Variants in NTF3 observed in about 807,000 individuals in gnomAD.
NTF3 encodes neurotrophin-3.
In NTF3, 8 loss-of-function variants were observed where a neutral mutation model predicts 26.3. The ratio of observed to expected loss-of-function variants is 0.30; its 90% confidence interval spans 0.18 to 0.55. NTF3 has a LOEUF of 0.55. Among genes scored for constraint, NTF3 ranks in the 20% least tolerant of loss-of-function variants. NTF3 has a pLI of 0.93. For synonymous variants in NTF3, 154 were observed against 145.5 expected, an observed-to-expected ratio of 1.06 and a Z score of -0.42; for missense variants, 276 against 352.9, an observed-to-expected ratio of 0.78 and a Z score of 1.75.
chr12:5,440,225 A>C (rs945903842), intron 1 of NTF3, among the ~76,000 whole-genome samples: 1 of 152,224 alleles, frequency 6.6e-6, no homozygotes, highest in Non-Finnish European at 1.5e-5. Context: ...AATGTTGAAC[A>C]CTAACCTAAT....
chr12:5,436,801 C>T (rs1314074016), intron 1 of NTF3, among the ~76,000 whole-genome samples: 1 of 152,130 alleles, frequency 6.6e-6, no homozygotes, highest in Non-Finnish European at 1.5e-5. Context: ...TGGAGGCAGC[C>T]AAACCTAGAT....
intron 1 of NTF3, among the ~76,000 whole-genome samples, chr12:5,472,377 C>T (rs1443587169): frequency 6.6e-6 from 1 of 152,154 alleles, no homozygotes; most frequent in Non-Finnish European, 1.5e-5. Context: ...ATTTACCCTT[C>T]GTGAGATTCA....
At chr12:5,491,720 T>C (rs922036381) in intron 1 of NTF3, among the ~76,000 whole-genome samples, 5 of 139,684 alleles carry the variant, frequency 3.6e-5, no homozygotes, top group African/African-American at 1.1e-4. Context: ...CCTCTTCTTT[T>C]TTTTTTTTTT....
chr12:5,455,640 A>C (rs1177008327), intron 1 of NTF3, among the ~76,000 whole-genome samples: 1 of 151,116 alleles, frequency 6.6e-6, no homozygotes, highest in African/African-American at 2.4e-5. Context: ...AGGATAGCCC[A>C]CCTGCACCCT....
rs1338836488 is a variant in NTF3, at chr12:5,494,143, C to G, written c.19-51C>G. The G allele has an allele frequency of 3.1e-5, 48 of 1,565,746 alleles. No homozygotes were observed. Among genetic ancestry groups the G allele is most frequent in the Non-Finnish European group, 3.8e-5 (44 of 1,152,832 alleles). On this transcript the variant is annotated intron_variant, in intron 1 of 1. Coordinates refer to ENST00000423158, the MANE Select transcript of NTF3 (RefSeq NM_001102654.2). The surrounding 1 kb of genome is among the most constrained non-coding windows in gnomAD (Gnocchi z 8.3). ...CCTCAGGTAGCTGGTGCCAGAATAACACAGACTCAGCTGCCAGAGCCTGCT... is the reference window on the plus strand; with the variant it reads ...CCTCAGGTAGCTGGTGCCAGAATAAGACAGACTCAGCTGCCAGAGCCTGCT...
chr12:5,435,993 G>A (rs1940163077), intron 1 of NTF3, among the ~76,000 whole-genome samples: 1 of 152,068 alleles, frequency 6.6e-6, no homozygotes, highest in South Asian at 2.1e-4. Context: ...AATTGTCTTG[G>A]ATACTCAGAT....
chr12:5,477,220 G>A (rs373405583), intron 1 of NTF3, among the ~76,000 whole-genome samples: 11 of 152,180 alleles, frequency 7.2e-5, no homozygotes, highest in African/African-American at 2.7e-4. Context: ...AGACATGCCT[G>A]GGTTTGAATC....
chr12:5,487,590 C>G (rs1275768467), intron 1 of NTF3, among the ~76,000 whole-genome samples: 1 of 152,190 alleles, frequency 6.6e-6, no homozygotes, highest in African/African-American at 2.4e-5. Flanking sequence ...TGCTAAGAAG[C>G]CAGCATCTTC....
intron 1 of NTF3, among the ~76,000 whole-genome samples, chr12:5,463,557 C>T (rs1373656072): frequency 6.6e-6 from 1 of 152,010 alleles, no homozygotes; most frequent in African/African-American, 2.4e-5. Context: ...GTAGGAGGGA[C>T]AGACAGAAGG....
At chr12:5,457,379 G>A (rs966591796) in intron 1 of NTF3, among the ~76,000 whole-genome samples, 1 of 152,020 alleles carries the variant, frequency 6.6e-6, no homozygotes, top group African/African-American at 2.4e-5. Context: ...TTCTACCATC[G>A]CCTTATCACA....
intron 1 of NTF3, among the ~76,000 whole-genome samples, chr12:5,481,443 ATG>A (rs1940791869): frequency 6.6e-6 from 1 of 151,298 alleles, no homozygotes; most frequent in Non-Finnish European, 1.5e-5. Flanking sequence ...ACAGACATAC[ATG>A]CAGCACAGAC....
intron 1 of NTF3, among the ~76,000 whole-genome samples, chr12:5,478,763 T>C (rs1940753767): frequency 6.6e-6 from 1 of 152,250 alleles, no homozygotes; most frequent in South Asian, 2.1e-4. Flanking sequence ...TGCACATTGG[T>C]CCAGGGGCAG....
intron 1 of NTF3, among the ~76,000 whole-genome samples, chr12:5,470,305 C>T (rs1423419017): frequency 6.6e-6 from 1 of 152,202 alleles, no homozygotes; most frequent in East Asian, 1.9e-4. Flanking sequence ...TTCCCTTTCT[C>T]TGATATGAGG....
chr12:5,477,945 A>C (rs1465805087), intron 1 of NTF3, among the ~76,000 whole-genome samples: 2 of 152,210 alleles, frequency 1.3e-5, no homozygotes. Flanking sequence ...AAATACTTGA[A>C]GAGCTAATGG....
chr12:5,488,727 G>A (rs535955164), intron 1 of NTF3, among the ~76,000 whole-genome samples: 5 of 152,188 alleles, frequency 3.3e-5, no homozygotes, highest in Admixed American at 3.3e-4. Flanking sequence ...CAAGACATTA[G>A]GGTTATCTGG....
In NTF3 at chr12:5,450,700, A is replaced by T. The variant is rs138470546; in HGVS notation, c.18+18358A>T. 1.8e-3 allele frequency among the ~76,000 whole-genome samples: 273 copies of T among 152,288 alleles called. 1 individual carries two copies. The highest frequency in any genetic ancestry group is 6.3e-3 in the African/African-American group (263 of 41,558). On this transcript the variant is annotated intron_variant, in intron 1 of 1. Coordinates refer to ENST00000423158, the MANE Select transcript of NTF3 (RefSeq NM_001102654.2). ...CAGTACTCAATGAAATAGCAATTTT[A>T]TTATCTCATTTTTGCAGACAAAGCA...
chr12:5,486,136 C>T (rs976275630), intron 1 of NTF3, among the ~76,000 whole-genome samples: 1 of 152,194 alleles, frequency 6.6e-6, no homozygotes, highest in African/African-American at 2.4e-5. Flanking sequence ...CCATATTTGA[C>T]ACAAGCCTGC....
intron 1 of NTF3, among the ~76,000 whole-genome samples, chr12:5,478,246 A>G (rs1487462496): frequency 6.6e-6 from 1 of 152,226 alleles, no homozygotes; most frequent in East Asian, 1.9e-4. Context: ...GCCTAAATAG[A>G]GTGCAAAATG....
At chr12:5,483,632 T>G (rs1940833603) in intron 1 of NTF3, among the ~76,000 whole-genome samples, 1 of 152,232 alleles carries the variant, frequency 6.6e-6, no homozygotes, top group African/African-American at 2.4e-5. Flanking sequence ...AAAGAATGAT[T>G]TATAGTCCTT....
Sources: gnomAD v4.1 joint callset for allele counts (sites outside exome capture counted in the v4.1 genomes callset) on GRCh38, gnomAD v4.1.1 for gene constraint, Gnocchi (gnomAD v3.1) non-coding constraint, MANE v1.5 for transcripts, NCBI Gene and HGNC (gene_info 2026-07-23, HGNC 2026-07-21) for gene names.